ARHGAP24: variants seen among roughly 807,000 people sequenced by gnomAD.
ARHGAP24 encodes the protein rho GTPase-activating protein 24.
Under a neutral mutation model 76.4 loss-of-function variants are expected in ARHGAP24, and 50 were observed. The ratio of observed to expected loss-of-function variants is 0.65; its 90% confidence interval spans 0.52 to 0.83. The LOEUF (loss-of-function observed/expected upper bound fraction) is 0.83, where lower values mean the gene tolerates loss of function less well. Among genes scored for constraint, ARHGAP24 ranks in the 40% least tolerant of loss-of-function variants. The probability of loss-of-function intolerance (pLI) is 0.00; values close to 1 mark genes in which losing one functional copy is unlikely to be tolerated. For missense variants in ARHGAP24, 930 were observed against 914.2 expected (o/e 1.02, Z -0.22); for synonymous variants, 345 against 323.3 (o/e 1.07, Z -0.72).
chr4:85,482,837 T>C (rs1396831037), intron 1 of ARHGAP24, among the ~76,000 whole-genome samples: 1 of 152,152 alleles, frequency 6.6e-6, no homozygotes, highest in Non-Finnish European at 1.5e-5. Flanking sequence ...TAGAGAGGCT[T>C]AGTAGCTTGC....
intron 4 of ARHGAP24, among the ~76,000 whole-genome samples, chr4:85,932,933 G>A (rs946667035): frequency 6.6e-6 from 1 of 152,116 alleles, no homozygotes; most frequent in Non-Finnish European, 1.5e-5. Flanking sequence ...CCTTGCTCTT[G>A]CTGCAGTCAT....
chr4:85,934,419 T>C (rs187657902), intron 4 of ARHGAP24, among the ~76,000 whole-genome samples: 180 of 152,356 alleles, frequency 1.2e-3, no homozygotes, highest in African/African-American at 4.2e-3. Context: ...TATGCTCTCT[T>C]CAAGGCATCA....
At position 85,487,346 on chromosome 4, in the gene ARHGAP24, TTATAATATATATAAATATATAAATATA is replaced by T. The variant is rs1560505285; in HGVS notation, c.-21+11791_-21+11817del. Among the ~76,000 whole-genome samples the T allele has an allele frequency of 1.1e-4, 13 of 113,254 alleles. No homozygotes were observed. The East Asian group carries it at 3.0e-3, about 26-fold the overall frequency. The allele number at this position is 113,254 out of a possible 152,430, so 74.3% of individuals were successfully genotyped here. ...ATATTTATTATAAATTTATATACAT[TTATAATATATATAAATATATAAATATA>T]TATTTATATATATTATATAAACATG... On this transcript the variant is annotated intron_variant, in intron 1 of 9. Transcript: ENST00000395184.
intron 3 of ARHGAP24, among the ~76,000 whole-genome samples, chr4:85,818,014 T>C (rs1430748610): frequency 6.6e-6 from 1 of 152,210 alleles, no homozygotes. Flanking sequence ...TAAAGATTAT[T>C]TAATTTAGAA....
chr4:85,533,763 C>T (rs970917232), intron 1 of ARHGAP24, among the ~76,000 whole-genome samples: 1 of 151,970 alleles, frequency 6.6e-6, no homozygotes, highest in Non-Finnish European at 1.5e-5. Flanking sequence ...TATATAATTA[C>T]ATATTTTTGT....
intron 3 of ARHGAP24, among the ~76,000 whole-genome samples, chr4:85,918,568 T>A (rs1735544408): frequency 6.6e-6 from 1 of 152,136 alleles, no homozygotes; most frequent in Non-Finnish European, 1.5e-5. Context: ...TTATGTTGAT[T>A]TCTTTAACCT....
intron 3 of ARHGAP24, among the ~76,000 whole-genome samples, chr4:85,901,425 A>G (rs1054384950): frequency 1.4e-4 from 22 of 152,198 alleles, no homozygotes; most frequent in African/African-American, 5.3e-4. Context: ...AAGAAATGTC[A>G]TCTCTCATAT....
intron 2 of ARHGAP24, among the ~76,000 whole-genome samples, chr4:85,717,675 A>G (rs773234156): frequency 6.6e-6 from 1 of 152,110 alleles, no homozygotes; most frequent in African/African-American, 2.4e-5. Context: ...TGGCCACTAA[A>G]TCTTAAAACC....
intron 8 of ARHGAP24, among the ~76,000 whole-genome samples, chr4:85,986,722 C>G (rs533148584): frequency 1.3e-5 from 2 of 152,204 alleles, no homozygotes; most frequent in South Asian, 4.1e-4. Flanking sequence ...GGACACTACA[C>G]AAGACTTGAG....
intron 3 of ARHGAP24, among the ~76,000 whole-genome samples, chr4:85,739,879 G>C (rs1236855509): frequency 5.1e-4 from 1 of 1,948 alleles, no homozygotes; most frequent in African/African-American, 5.2e-4. Flanking sequence ...GCCCACCTCG[G>C]CCTCCCAAAG....
intron 3 of ARHGAP24, among the ~76,000 whole-genome samples, chr4:85,901,135 G>T (rs1439610677): frequency 6.6e-6 from 1 of 151,944 alleles, no homozygotes; most frequent in Non-Finnish European, 1.5e-5. Flanking sequence ...CTTTAAGTAG[G>T]GATTGAATGA....
intron 3 of ARHGAP24, among the ~76,000 whole-genome samples, chr4:85,751,398 G>A (rs1726260205): frequency 6.6e-6 from 1 of 152,104 alleles, no homozygotes; most frequent in South Asian, 2.1e-4. Context: ...CATGCTAGCT[G>A]ACTCAAATAT....
chr4:85,536,736 G>A (rs1034118369), intron 1 of ARHGAP24, among the ~76,000 whole-genome samples: 2 of 152,056 alleles, frequency 1.3e-5, no homozygotes, highest in African/African-American at 4.8e-5. Flanking sequence ...CATCTTTCGG[G>A]GAGATAGAGA....
chr4:85,651,311 G>A (rs1419969914), intron 2 of ARHGAP24, among the ~76,000 whole-genome samples: 1 of 149,196 alleles, frequency 6.7e-6, no homozygotes, highest in Non-Finnish European at 1.5e-5. Context: ...GGTGTTGTAG[G>A]GAAAAGATCG....
At chr4:85,617,222 ATC>A (rs1235088412) in intron 2 of ARHGAP24, among the ~76,000 whole-genome samples, 1 of 148,512 alleles carries the variant, frequency 6.7e-6, no homozygotes, top group Non-Finnish European at 1.5e-5. Context: ...TGTTGAATAT[ATC>A]TATATATTTG....
At chr4:85,545,044 C>T (rs1040240416) in intron 1 of ARHGAP24, among the ~76,000 whole-genome samples, 1 of 151,832 alleles carries the variant, frequency 6.6e-6, no homozygotes, top group Admixed American at 6.6e-5. Context: ...ATTCTTAGGA[C>T]TTATATCCTT....
chr4:85,873,963 T>A (rs1732679186), intron 3 of ARHGAP24, among the ~76,000 whole-genome samples: 1 of 152,194 alleles, frequency 6.6e-6, no homozygotes, highest in Admixed American at 6.5e-5. Context: ...AAAAACATAA[T>A]TTTTAAGATT....
intron 2 of ARHGAP24, among the ~76,000 whole-genome samples, chr4:85,638,961 T>A (rs1277056989): frequency 6.6e-6 from 1 of 152,168 alleles, no homozygotes; most frequent in Non-Finnish European, 1.5e-5. Flanking sequence ...TTACCACTGT[T>A]TACAGAGGCC....
chr4:85,932,107 A>G (rs1308542849), intron 4 of ARHGAP24, among the ~76,000 whole-genome samples: 2 of 152,192 alleles, frequency 1.3e-5, no homozygotes, highest in African/African-American at 4.8e-5. Flanking sequence ...AACAATCACC[A>G]TCATATATTA....
Sources: gnomAD v4.1 joint callset for allele counts (sites outside exome capture counted in the v4.1 genomes callset) on GRCh38, gnomAD v4.1.1 for gene constraint, MANE v1.5 for transcripts, NCBI Gene and HGNC (gene_info 2026-07-23, HGNC 2026-07-21) for gene names.